The following CSNK1D variants were observed in gnomAD, a reference collection of about 807,000 sequenced individuals.
CSNK1D encodes the protein casein kinase I isoform delta.
Under a neutral mutation model 46.6 loss-of-function variants are expected in CSNK1D, and 16 were observed. The ratio of observed to expected loss-of-function variants is 0.34; its 90% CI spans 0.23 to 0.52. The LOEUF is 0.52. Ranked by LOEUF, CSNK1D falls within the 20% of genes least tolerant of loss-of-function variation. CSNK1D has a pLI of 0.95. For synonymous variants in CSNK1D, 276 were observed against 228.2 expected (o/e 1.21, Z -1.89); for missense variants, 398 against 578.4 (o/e 0.69, Z 3.20).
At chr17:82,242,296 CAG>C (rs549387159), downstream of CSNK1D, among the ~76,000 whole-genome samples, 131 of 152,230 alleles carry the variant, frequency 8.6e-4, no homozygotes, top group Admixed American at 1.9e-3. Flanking sequence ...GCTCAAGCGA[CAG>C]GGGGATCCCT....
At position 82,248,460 on chromosome 17, in the gene CSNK1D, C is replaced by T. The variant is rs2050906798; in HGVS notation, c.1197+415G>A. ...AGAAGCCCGTGGAGGTCCCTACGGGCCTCCATCCCTGGCCAGTGGCAAGAA... is the reference window on the plus strand; with the variant it reads ...AGAAGCCCGTGGAGGTCCCTACGGGTCTCCATCCCTGGCCAGTGGCAAGAA... On this transcript the variant is annotated intron_variant, in intron 8 of 8. Coordinates refer to ENST00000314028, the MANE Select transcript of CSNK1D (RefSeq NM_001893.6). This position sits in a 1 kb window ranked among gnomAD's most constrained non-coding sequence, Gnocchi z 4.1. The T allele has an allele frequency of 2.8e-6, 3 of 1,063,828 alleles. No individual in the cohort carries two copies. The highest frequency in any genetic ancestry group is 3.4e-6 in the Non-Finnish European group (3 of 874,912). 65.9% of individuals were successfully genotyped at this position (1,063,828 alleles called of 1,614,324 possible).
chr17:82,246,219 T>C lies in CSNK1D; in HGVS notation c.1198-1388A>G, dbSNP rs1020187553. The C allele has an allele frequency of 4.6e-6, 7 of 1,508,740 alleles. No individual in the cohort carries two copies. In the Admixed American group the frequency reaches 1.4e-4, roughly 30 times the overall value. 93.5% of individuals were successfully genotyped at this position (1,508,740 alleles called of 1,614,324 possible). A position where few individuals can be genotyped will look rare whatever the true frequency, so the allele number is the denominator to read the frequency against. On this transcript the variant is annotated intron_variant, in intron 8 of 8. Transcript: ENST00000314028. Reference sequence around the variant, plus strand: ...TTGCCTCTCAGGACGGGCCTCTGGATGAGAGTGGTGCCCACTCCTCTTCTG... The same window carrying C: ...TTGCCTCTCAGGACGGGCCTCTGGACGAGAGTGGTGCCCACTCCTCTTCTG...
chr17:82,260,739 G>A (rs533012957), intron 2 of CSNK1D, among the ~76,000 whole-genome samples: 12 of 148,446 alleles, frequency 8.1e-5, no homozygotes, highest in East Asian at 2.0e-4. Context: ...ACGGTGTACC[G>A]ACTGATGTGA....
rs1416679865 is a variant in CSNK1D, at chr17:82,251,829, A to G, written c.737-302T>C. On this transcript the variant is annotated intron_variant, in intron 5 of 8. Coordinates refer to ENST00000314028, the MANE Select transcript of CSNK1D (RefSeq NM_001893.6). This position sits in a 1 kb window ranked among gnomAD's most constrained non-coding sequence, Gnocchi z 4.5. ...CACAGTGAAACCCCATCTCTACTGAAAAAAAAAAAAAAAAAGTTCTAGAGC... is the reference window on the plus strand; with the variant it reads ...CACAGTGAAACCCCATCTCTACTGAGAAAAAAAAAAAAAAAGTTCTAGAGC... 37 of 241,016 alleles carry G rather than the reference A, an allele frequency of 1.5e-4. No homozygotes were observed. The highest frequency in any genetic ancestry group is 7.6e-4 in the South Asian group (17 of 22,498). The allele number at this position is 241,016 out of a possible 1,614,324, so 14.9% of individuals were successfully genotyped here. A position where few individuals can be genotyped will look rare whatever the true frequency, so the allele number is the denominator to read the frequency against.
At chr17:82,265,327 C>T (rs1051266520) in intron 2 of CSNK1D, 8 of 348,034 alleles carry the variant, frequency 2.3e-5, no homozygotes, top group Non-Finnish European at 4.5e-5. Context: ...TACAGGTGCA[C>T]GCCATCACAC....
At chr17:82,268,203 G>A (rs1049510675) in intron 1 of CSNK1D, among the ~76,000 whole-genome samples, 3 of 152,194 alleles carry the variant, frequency 2.0e-5, no homozygotes, top group African/African-American at 7.2e-5. Context: ...GTCACCTGCT[G>A]GGCAGAAGCA....
intron 1 of CSNK1D, among the ~76,000 whole-genome samples, chr17:82,266,116 C>T (rs1041369987): frequency 6.6e-6 from 1 of 152,204 alleles, no homozygotes; most frequent in Non-Finnish European, 1.5e-5. Context: ...TCAGCCCTGC[C>T]CAAGGCCCCT....
chr17:82,247,800 C>T lies in CSNK1D; in HGVS notation c.1197+1075G>A, dbSNP rs1490020797. Reference sequence around the variant, plus strand: ...TATAACCACAAAGTCAAAATAACCACGAAGCCAAAATCCCTGCATCTTTGG... The same window carrying T: ...TATAACCACAAAGTCAAAATAACCATGAAGCCAAAATCCCTGCATCTTTGG... On this transcript the variant is annotated intron_variant, in intron 8 of 8. Coordinates refer to ENST00000314028, the MANE Select transcript of CSNK1D (RefSeq NM_001893.6). The T allele has an allele frequency of 1.7e-5, 17 of 985,440 alleles. No individual in the cohort carries two copies. The African/African-American group carries it at 2.6e-4, about 15-fold the overall frequency. 61.0% of individuals were successfully genotyped at this position (985,440 alleles called of 1,614,324 possible).
chr17:82,246,515 A>G, intron 8 of CSNK1D: 1 of 1,063,076 alleles, frequency 9.4e-7, no homozygotes, highest in Non-Finnish European at 1.1e-6. Context: ...CCCCAAACAG[A>G]CTCAGCAACT....
Position 82,249,092 on chromosome 17 carries a change from G to T in CSNK1D, c.1058-78C>A. On this transcript the variant is annotated intron_variant, in intron 7 of 8. Transcript: ENST00000314028. The surrounding 1 kb of genome is among the most constrained non-coding windows in gnomAD (Gnocchi z 6.7). Reference sequence around the variant, plus strand: ...TCGGGGCTTTCTATGAGAGGCTGTGGCCAGAGAGGACCCTGGGCTGCCTGG... The same window carrying T: ...TCGGGGCTTTCTATGAGAGGCTGTGTCCAGAGAGGACCCTGGGCTGCCTGG... 1 of 1,503,622 alleles carries T rather than the reference G, an allele frequency of 6.7e-7. No homozygotes were observed. Among genetic ancestry groups the T allele is most frequent in the Non-Finnish European group, 9.0e-7 (1 of 1,116,502 alleles). 93.1% of individuals were successfully genotyped at this position (1,503,622 alleles called of 1,614,324 possible).
Position 82,250,020 on chromosome 17 carries a change from G to A in CSNK1D, c.886-418C>T. ...GGAGGAAAGCGGGGTGGGGATGAGA[G>A]CGTTTGGTCGGACGAGGAGTACACT... On this transcript the variant is annotated intron_variant, in intron 6 of 8. Transcript: ENST00000314028. The surrounding 1 kb of genome is among the most constrained non-coding windows in gnomAD (Gnocchi z 4.6). 8.1e-7 allele frequency: 1 copy of A among 1,240,982 alleles called. No individual in the cohort carries two copies. Among genetic ancestry groups the A allele is most frequent in the Non-Finnish European group, 1.0e-6 (1 of 964,074 alleles). 76.9% of individuals were successfully genotyped at this position (1,240,982 alleles called of 1,614,324 possible). A position where few individuals can be genotyped will look rare whatever the true frequency, so the allele number is the denominator to read the frequency against.
chr17:82,248,776 G>A lies in CSNK1D; in HGVS notation c.1197+99C>T. The stretch of plus-strand genomic sequence containing the variant: ...GATTAAAAACTCTCAAAAATGGGGG[G>A]AAGAAAGGAAAGAAGAAGCCCTGGA... On this transcript the variant is annotated intron_variant, in intron 8 of 8. Coordinates refer to ENST00000314028, the MANE Select transcript of CSNK1D (RefSeq NM_001893.6). The surrounding 1 kb of genome is among the most constrained non-coding windows in gnomAD (Gnocchi z 4.1). 6.5e-7 allele frequency: 1 copy of A among 1,533,082 alleles called. No individual in the cohort carries two copies. The highest frequency in any genetic ancestry group is 1.7e-4 in the Middle Eastern group (1 of 5,950). The allele number at this position is 1,533,082 out of a possible 1,614,324, so 95.0% of individuals were successfully genotyped here. A position where few individuals can be genotyped will look rare whatever the true frequency, so the allele number is the denominator to read the frequency against.
Position 82,249,071 on chromosome 17 carries a change from G to T in CSNK1D, c.1058-57C>A. 2.6e-6 allele frequency: 4 copies of T among 1,535,554 alleles called. No individual in the cohort carries two copies. The highest frequency in any genetic ancestry group is 2.6e-6 in the Non-Finnish European group (3 of 1,138,078). On this transcript the variant is annotated intron_variant, in intron 7 of 8. Coordinates refer to ENST00000314028, the MANE Select transcript of CSNK1D (RefSeq NM_001893.6). This position sits in a 1 kb window ranked among gnomAD's most constrained non-coding sequence, Gnocchi z 6.7. Reference sequence around the variant, plus strand: ...CCCCCGTCTGCTGCCTCTCACTCGGGGCTTTCTATGAGAGGCTGTGGCCAG... The same window carrying T: ...CCCCCGTCTGCTGCCTCTCACTCGGTGCTTTCTATGAGAGGCTGTGGCCAG...
At position 82,251,273 on chromosome 17, in the gene CSNK1D, C is replaced by T. The variant is rs935088717; in HGVS notation, c.885+106G>A. 14 of 1,349,136 alleles carry T rather than the reference C, an allele frequency of 1.0e-5. No individual in the cohort carries two copies. The African/African-American group carries it at 1.4e-4, about 14-fold the overall frequency. The allele number at this position is 1,349,136 out of a possible 1,614,324, so 83.6% of individuals were successfully genotyped here. ...CACACTTGCCCTTCACAACCAGAGA[C>T]ACTCCCTATATGGTACAGCCCCTCA... is the stretch of plus-strand genomic sequence containing the variant. On this transcript the variant is annotated intron_variant, in intron 6 of 8. Coordinates refer to ENST00000314028, the MANE Select transcript of CSNK1D (RefSeq NM_001893.6). This position sits in a 1 kb window ranked among gnomAD's most constrained non-coding sequence, Gnocchi z 4.5.
rs893845334 is a variant in CSNK1D, at chr17:82,249,969, G to A, written c.886-367C>T. The A allele has an allele frequency of 8.0e-7, 1 of 1,242,490 alleles. No individual in the cohort carries two copies. The highest frequency in any genetic ancestry group is 1.0e-6 in the Non-Finnish European group (1 of 974,372). The allele number at this position is 1,242,490 out of a possible 1,614,324, so 77.0% of individuals were successfully genotyped here. A position where few individuals can be genotyped will look rare whatever the true frequency, so the allele number is the denominator to read the frequency against. ...GGGACAGGAACCATCGGAGGCCAAA[G>A]ACAGGCCCCAAATGGTGACAGCTGG... On this transcript the variant is annotated intron_variant, in intron 6 of 8. Coordinates refer to ENST00000314028, the MANE Select transcript of CSNK1D (RefSeq NM_001893.6). This position sits in a 1 kb window ranked among gnomAD's most constrained non-coding sequence, Gnocchi z 6.7.
chr17:82,267,813 C>CTGGCA (rs2051516613), intron 1 of CSNK1D, among the ~76,000 whole-genome samples: 3 of 152,212 alleles, frequency 2.0e-5, no homozygotes, highest in Admixed American at 6.5e-5. Flanking sequence ...CGGACAGTAC[C>CTGGCA]GCCACCCTCG....
At chr17:82,270,770 C>T (rs932943682) in intron 1 of CSNK1D, among the ~76,000 whole-genome samples, 4 of 152,130 alleles carry the variant, frequency 2.6e-5, no homozygotes, top group Non-Finnish European at 5.9e-5. Context: ...ATCAGCTGTG[C>T]CTAACCCCAC....
At chr17:82,247,011 C>T in intron 8 of CSNK1D, 2 of 985,454 alleles carry the variant, frequency 2.0e-6, no homozygotes, top group Non-Finnish European at 2.4e-6. Context: ...GACACACGGC[C>T]AAAGCCTTCC....
Position 82,244,186 on chromosome 17 carries a change from C to T in CSNK1D, c.*595G>A, listed in dbSNP as rs1000074297. ...TTGATGAGAAATCTCCTCTCCAAAG[C>T]GGACAATAAAACACTGCAAAACAAA... On this transcript the variant is annotated 3_prime_UTR_variant, in exon 9 of 9. Transcript: ENST00000314028. 2 of 1,012,874 alleles carry T rather than the reference C, an allele frequency of 2.0e-6. No homozygotes were observed. Among genetic ancestry groups the T allele is most frequent in the Non-Finnish European group, 2.4e-6 (2 of 844,634 alleles). The allele number at this position is 1,012,874 out of a possible 1,614,324, so 62.7% of individuals were successfully genotyped here.
Sources: allele counts gnomAD v4.1 joint callset (sites outside exome capture counted in the v4.1 genomes callset), GRCh38; gene constraint gnomAD v4.1.1; non-coding constraint Gnocchi (gnomAD v3.1); transcripts MANE v1.5; gene names NCBI Gene and HGNC (gene_info 2026-07-23, HGNC 2026-07-21).